Variants in KCNK2 observed in about 807,000 individuals in gnomAD.
KCNK2 encodes the protein potassium channel subfamily K member 2.
Under a neutral mutation model 40.5 loss-of-function variants are expected in KCNK2, and 21 were observed. That is an observed-to-expected ratio of 0.52 (90% confidence interval 0.37 to 0.75). The LOEUF (loss-of-function observed/expected upper bound fraction) is 0.75. KCNK2 is among the 30% of genes least tolerant of loss of function. KCNK2 has a pLI of 0.00. For missense variants in KCNK2, 399 were observed against 531.6 expected, an observed-to-expected ratio of 0.75 and a Z score of 2.45; for synonymous variants, 191 against 202.2, an observed-to-expected ratio of 0.94 and a Z score of 0.47.
intron 1 of KCNK2, among the ~76,000 whole-genome samples, chr1:215,077,675 C>A (rs943612222): frequency 5.3e-5 from 8 of 151,906 alleles, no homozygotes; most frequent in Non-Finnish European, 8.8e-5. Flanking sequence ...CACCACCAAG[C>A]CTCACTCTCT....
rs116088013 is a variant in KCNK2 at position 215,181,868 on chromosome 1, G to A, written c.823+9685G>A. Among the ~76,000 whole-genome samples, 1,145 of 152,306 alleles carry A rather than the reference G, an allele frequency of 7.5e-3. 17 individuals are homozygous for A. Among genetic ancestry groups the A allele is most frequent in the African/African-American group, 0.026 (1,091 of 41,568 alleles). On this transcript the variant is annotated intron_variant, in intron 5 of 6. Transcript: ENST00000444842. ...CTCTGCTCAGGCCAGGGGAGGCCACGATAGGCAGGGCTGGGCTTGGCAGGT... is the reference window on the plus strand; with the variant it reads ...CTCTGCTCAGGCCAGGGGAGGCCACAATAGGCAGGGCTGGGCTTGGCAGGT...
chr1:215,114,908 GTA>G (rs1660856758), intron 2 of KCNK2, among the ~76,000 whole-genome samples: 1 of 151,928 alleles, frequency 6.6e-6, no homozygotes, highest in Non-Finnish European at 1.5e-5. Flanking sequence ...GAATGTCTTA[GTA>G]TAGTGCCTTT....
At chr1:215,232,591 G>A (rs954643033) in intron 6 of KCNK2, among the ~76,000 whole-genome samples, 2 of 152,170 alleles carry the variant, frequency 1.3e-5, no homozygotes, top group African/African-American at 2.4e-5. Context: ...TGCTGAGGAT[G>A]TATATGGAGC....
intron 6 of KCNK2, among the ~76,000 whole-genome samples, chr1:215,216,202 TG>T (rs1665950332): frequency 6.6e-6 from 1 of 152,070 alleles, no homozygotes; most frequent in Non-Finnish European, 1.5e-5. Context: ...TTTCCAATTT[TG>T]GTTTATTTTC....
At chr1:215,059,164 C>G (rs1006815246) in intron 1 of KCNK2, among the ~76,000 whole-genome samples, 4 of 144,034 alleles carry the variant, frequency 2.8e-5, no homozygotes, top group Non-Finnish European at 4.7e-5. Flanking sequence ...TATATACACA[C>G]ACACATACAT....
At chr1:215,169,400 G>T (rs750507704) in intron 4 of KCNK2, 41 bp downstream of exon 4, 6 of 1,458,406 alleles carry the variant, frequency 4.1e-6, no homozygotes, top group Non-Finnish European at 5.6e-6. Context: ...TTTATTGTTT[G>T]ATTTTTTTAA....
chr1:215,118,282 T>C (rs921626112), intron 2 of KCNK2, among the ~76,000 whole-genome samples: 3 of 152,152 alleles, frequency 2.0e-5, no homozygotes, highest in African/African-American at 7.2e-5. Context: ...GCAACAATAC[T>C]CACACATGAC....
chr1:215,147,944 T>C (rs1662499570), intron 3 of KCNK2, among the ~76,000 whole-genome samples: 1 of 152,182 alleles, frequency 6.6e-6, no homozygotes, highest in Non-Finnish European at 1.5e-5. Context: ...CTCCTAAATG[T>C]ATGTTGCTCT....
intron 3 of KCNK2, among the ~76,000 whole-genome samples, chr1:215,155,195 C>A: frequency 6.6e-6 from 1 of 152,158 alleles, no homozygotes; most frequent in East Asian, 1.9e-4. Flanking sequence ...ATAATCAACT[C>A]TTTTAAAATG....
chr1:215,230,507 G>GTATATATATATATATATATATATATA (rs201898524), intron 6 of KCNK2, among the ~76,000 whole-genome samples: 2 of 65,566 alleles, frequency 3.1e-5, no homozygotes, highest in South Asian at 3.3e-4. Context: ...ACACACGGCT[G>GTATATATATATATATATATATATATA]TATATATATA....
chr1:215,087,749 GA>G (rs1659510465), intron 2 of KCNK2, among the ~76,000 whole-genome samples: 1 of 152,172 alleles, frequency 6.6e-6, no homozygotes, highest in African/African-American at 2.4e-5. Flanking sequence ...ATAGTGGACT[GA>G]GGGGAAAAAT....
chr1:215,005,770 A>G (rs1005946127), upstream of KCNK2: 13 of 663,344 alleles, frequency 2.0e-5, no homozygotes, highest in East Asian at 3.5e-4. Context: ...ACTGATCTAC[A>G]GGGTAACATT....
intron 1 of KCNK2, among the ~76,000 whole-genome samples, chr1:215,063,625 A>G (rs961893548): frequency 6.6e-6 from 1 of 152,206 alleles, no homozygotes; most frequent in African/African-American, 2.4e-5. Flanking sequence ...TGTCTGAAAG[A>G]AGCAATGATC....
intron 3 of KCNK2, among the ~76,000 whole-genome samples, chr1:215,132,772 A>T (rs1661735640): frequency 2.0e-5 from 3 of 152,226 alleles, no homozygotes. Flanking sequence ...TGTGTTTCTC[A>T]GAGAAAATTT....
At chr1:215,177,899 T>C (rs1571698979) in intron 5 of KCNK2, among the ~76,000 whole-genome samples, 1 of 151,464 alleles carries the variant, frequency 6.6e-6, no homozygotes, top group Non-Finnish European at 1.5e-5. Flanking sequence ...AAGAGCTTTT[T>C]CTAGCTTTGC....
At chr1:215,066,651 T>C (rs915680718) in intron 1 of KCNK2, among the ~76,000 whole-genome samples, 1 of 152,188 alleles carries the variant, frequency 6.6e-6, no homozygotes, top group African/African-American at 2.4e-5. Context: ...GATTTTTTGC[T>C]TCCATGCAAT....
intron 2 of KCNK2, among the ~76,000 whole-genome samples, chr1:215,104,908 A>G (rs1398168437): frequency 1.3e-5 from 2 of 152,012 alleles, no homozygotes; most frequent in Admixed American, 6.6e-5. Flanking sequence ...TAACCTGATT[A>G]TCTCATTTTG....
chr1:215,075,372 A>C (rs1190258910), intron 1 of KCNK2, among the ~76,000 whole-genome samples: 1 of 152,208 alleles, frequency 6.6e-6, no homozygotes, highest in African/African-American at 2.4e-5. Context: ...CATTTAAAAA[A>C]ATTTCAGGGT....
intron 1 of KCNK2, among the ~76,000 whole-genome samples, chr1:215,016,777 C>T (rs2885811): frequency 5.7e-4 from 86 of 151,890 alleles, no homozygotes; most frequent in African/African-American, 2.0e-3. Context: ...AGCTTCTGAA[C>T]AGCAAAGGAA....
Sources: allele counts gnomAD v4.1 joint callset (sites outside exome capture counted in the v4.1 genomes callset), GRCh38; gene constraint gnomAD v4.1.1; transcripts MANE v1.5; gene names NCBI Gene and HGNC (gene_info 2026-07-23, HGNC 2026-07-21).